Variants in ATP2A2 observed in about 807,000 individuals in gnomAD.
The protein encoded by ATP2A2 is sarcoplasmic/endoplasmic reticulum calcium ATPase 2.
ATP2A2 carries 14 observed loss-of-function variants against 109.3 expected under a neutral mutation model. That is an observed-to-expected ratio of 0.13 (90% CI 0.08 to 0.20). The LOEUF is 0.20. Ranked by LOEUF, ATP2A2 falls within the 10% of genes least tolerant of loss-of-function variation. The pLI, the probability that ATP2A2 is intolerant of heterozygous loss-of-function variation, is 1.00. For synonymous variants in ATP2A2, 506 were observed against 490.9 expected, an observed-to-expected ratio of 1.03 and a Z score of -0.41; for missense variants, 657 against 1,321.6, an observed-to-expected ratio of 0.50 and a Z score of 7.80.
Position 110,350,885 on chromosome 12 carries a change from T to C in ATP2A2, c.*4415T>C, listed in dbSNP as rs1880331168. The C allele has an allele frequency of 6.5e-6, 1 of 154,674 alleles. No homozygotes were observed. Among genetic ancestry groups the C allele is most frequent in the Non-Finnish European group, 1.4e-5 (1 of 69,508 alleles). The allele number at this position is 154,674 out of a possible 1,614,324, so 9.6% of individuals were successfully genotyped here. A position where few individuals can be genotyped will look rare whatever the true frequency, so the allele number is the denominator to read the frequency against. ...ATTTCGCACTGTATTAAATGTAACT[T>C]ATTTAATGAAATCAGAAGCAGTAGA... On this transcript the variant is annotated 3_prime_UTR_variant, in exon 20 of 20. Coordinates refer to ENST00000539276, the MANE Select transcript of ATP2A2 (RefSeq NM_170665.4).
intron 5 of ATP2A2, among the ~76,000 whole-genome samples, chr12:110,301,784 C>T (rs1874674874): frequency 6.6e-6 from 1 of 152,222 alleles, no homozygotes; most frequent in Non-Finnish European, 1.5e-5. Context: ...GTATGTACCT[C>T]CTGCTTTCTT....
Position 110,323,083 on chromosome 12 carries a change from T to C in ATP2A2, c.544+11T>C. 1 of 1,587,932 alleles carries C rather than the reference T, an allele frequency of 6.3e-7. No individual in the cohort carries two copies. The highest frequency in any genetic ancestry group is 8.6e-7 in the Non-Finnish European group (1 of 1,156,226). On this transcript the variant is annotated intron_variant, in intron 6 of 19. Transcript: ENST00000539276. ...AGTCAATTCTCACAGGTAAATATGA[T>C]ATATTAAGTCATTGAATTTCTGAAG...
chr12:110,293,666 G>A (rs983096790), intron 4 of ATP2A2, among the ~76,000 whole-genome samples: 2 of 151,754 alleles, frequency 1.3e-5, no homozygotes, highest in African/African-American at 4.8e-5. Context: ...AAAGTGCTAG[G>A]ATTACATGCG....
chr12:110,343,552 G>A, intron 16 of ATP2A2, 118 bp downstream of exon 16: 1 of 1,142,798 alleles, frequency 8.8e-7, no homozygotes, highest in Non-Finnish European at 1.3e-6. Context: ...GGTAGCAAAA[G>A]ACAGAGATGC....
chr12:110,339,271 C>T lies in ATP2A2; in HGVS notation c.1420-10C>T, dbSNP rs750064839. On this transcript the variant is annotated splice_polypyrimidine_tract_variant and intron_variant, in intron 11 of 19. Coordinates refer to ENST00000539276, the MANE Select transcript of ATP2A2 (RefSeq NM_170665.4). This position sits in a 1 kb window ranked among gnomAD's most constrained non-coding sequence, Gnocchi z 4.4. ...CCACCCAGTAGTATCCATATTTGTTCCCTTTGTAGGTCATTAAACAGCTGA... is the reference window on the plus strand; with the variant it reads ...CCACCCAGTAGTATCCATATTTGTTTCCTTTGTAGGTCATTAAACAGCTGA... 1.9e-6 allele frequency: 3 copies of T among 1,613,722 alleles called. No homozygotes were observed. Among genetic ancestry groups the T allele is most frequent in the South Asian group, 1.1e-5 (1 of 90,790 alleles).
At chr12:110,300,242 C>T (rs559093431) in intron 5 of ATP2A2, among the ~76,000 whole-genome samples, 3 of 140,870 alleles carry the variant, frequency 2.1e-5, no homozygotes, top group Non-Finnish European at 4.6e-5. Flanking sequence ...GTCCAGGCTA[C>T]AGTGGAGTAG....
At chr12:110,324,765 C>T (rs940031274) in intron 6 of ATP2A2, among the ~76,000 whole-genome samples, 5 of 150,534 alleles carry the variant, frequency 3.3e-5, no homozygotes, top group African/African-American at 7.3e-5. Context: ...TGGGAGGCTG[C>T]GGCAGTAGGA....
chr12:110,346,998 C>A lies in ATP2A2; in HGVS notation c.*528C>A, dbSNP rs1879927476. ...TATTGTTTTGGTTTGCTACTTCCCT[C>A]ACCCACTTTGGCCTCCGTTCACCCC... On this transcript the variant is annotated 3_prime_UTR_variant, in exon 20 of 20. Coordinates refer to ENST00000539276, the MANE Select transcript of ATP2A2 (RefSeq NM_170665.4). 5 of 1,104,186 alleles carry A rather than the reference C, an allele frequency of 4.5e-6. No homozygotes were observed. Among genetic ancestry groups the A allele is most frequent in the Non-Finnish European group, 5.5e-6 (5 of 901,786 alleles). The allele number at this position is 1,104,186 out of a possible 1,614,324, so 68.4% of individuals were successfully genotyped here. A position where few individuals can be genotyped will look rare whatever the true frequency, so the allele number is the denominator to read the frequency against.
intron 5 of ATP2A2, among the ~76,000 whole-genome samples, chr12:110,301,843 T>G (rs1401063081): frequency 6.6e-6 from 1 of 152,160 alleles, no homozygotes; most frequent in East Asian, 1.9e-4. Flanking sequence ...CATCCAGGCC[T>G]TTTTTTCAGT....
chr12:110,329,398 C>T (rs1467136344), intron 8 of ATP2A2: 1 of 152,714 alleles, frequency 6.5e-6, no homozygotes, highest in Non-Finnish European at 1.5e-5. Context: ...GTGTATTCAT[C>T]ATATATATTT....
chr12:110,335,890 C>T (rs1878794633), intron 11 of ATP2A2, among the ~76,000 whole-genome samples: 1 of 152,240 alleles, frequency 6.6e-6, no homozygotes, highest in African/African-American at 2.4e-5. Flanking sequence ...TGTGTGGCAG[C>T]AGCAGCAGCT....
At chr12:110,293,824 ATATGTGTG>A (rs1258831373) in intron 4 of ATP2A2, among the ~76,000 whole-genome samples, 286 of 126,420 alleles carry the variant, frequency 2.3e-3, no homozygotes, top group Non-Finnish European at 3.8e-3. Flanking sequence ...TGTGCCATAT[ATATGTGTG>A]TGTGTGTGTG....
rs1880233662 is a variant in ATP2A2 at position 110,349,816 on chromosome 12, A to C, written c.*3346A>C. 15 of 1,037,568 alleles carry C rather than the reference A, an allele frequency of 1.4e-5. No homozygotes were observed. In the South Asian group the frequency reaches 5.5e-4, roughly 38 times the overall value. 64.3% of individuals were successfully genotyped at this position (1,037,568 alleles called of 1,614,324 possible). On this transcript the variant is annotated 3_prime_UTR_variant, in exon 20 of 20. Transcript: ENST00000539276. ...AGAAGGGTAGGCTTCACCCTCCTTT[A>C]CTGAGGAGAATGATGCGGAGGAGTT...
At chr12:110,322,508 T>A (rs906097769) in intron 5 of ATP2A2, among the ~76,000 whole-genome samples, 1 of 152,166 alleles carries the variant, frequency 6.6e-6, no homozygotes, top group African/African-American at 2.4e-5. Context: ...TGTGTAGTTT[T>A]ATTTTGCATT....
chr12:110,310,474 G>T (rs1409076932), intron 5 of ATP2A2, among the ~76,000 whole-genome samples: 9 of 152,176 alleles, frequency 5.9e-5, no homozygotes, highest in Non-Finnish European at 1.3e-4. Context: ...TGCCGCAGGG[G>T]TTATTTATTG....
rs572920525 is a variant in ATP2A2 at position 110,296,736 on chromosome 12, T to C, written c.462T>C (p.Ala154=). The part of the protein sequence containing the change: ...DIVPGDIVEI[A]VGDKVPADIR... ...TTCCTGGTGATATTGTAGAAATTGC[T>C]GGTGAGTTGAGTTTGTCATTTTTCT... is the stretch of plus-strand genomic sequence containing the variant. The change falls in exon 5 of 20, where the codon GCT becomes GCC. Residue 154 remains alanine, a splice_region_variant and synonymous_variant. Transcript: ENST00000539276. 17 of 1,614,174 alleles carry C rather than the reference T, an allele frequency of 1.1e-5. No homozygotes were observed. In the African/African-American group the frequency reaches 1.6e-4, roughly 15 times the overall value.
At position 110,349,661 on chromosome 12, in the gene ATP2A2, CAG is replaced by C. The variant is rs1880218190; in HGVS notation, c.*3192_*3193del. ...AAGACCTGAGACCACAAGATTAGCT[CAG>C]TGTCTACCAAGCATCTAGCCACTGT... On this transcript the variant is annotated 3_prime_UTR_variant, in exon 20 of 20. Coordinates refer to ENST00000539276, the MANE Select transcript of ATP2A2 (RefSeq NM_170665.4). 9.1e-6 allele frequency: 9 copies of C among 989,030 alleles called. No individual in the cohort carries two copies. Among genetic ancestry groups the C allele is most frequent in the Non-Finnish European group, 1.1e-5 (9 of 831,904 alleles). 61.3% of individuals were successfully genotyped at this position (989,030 alleles called of 1,614,324 possible).
chr12:110,311,595 C>CAA (rs67023919), intron 5 of ATP2A2, among the ~76,000 whole-genome samples: 722 of 25,220 alleles, frequency 0.029, 226 homozygotes, highest in African/African-American at 0.043. Flanking sequence ...GACTCCATCT[C>CAA]AAAAAAAAAA....
intron 5 of ATP2A2, among the ~76,000 whole-genome samples, 185 bp from the exon 6 acceptor site, chr12:110,322,807 A>G (rs1159233040): frequency 6.6e-6 from 1 of 152,222 alleles, no homozygotes; most frequent in Non-Finnish European, 1.5e-5. Context: ...TCTTGAATCC[A>G]TCTAAAGTTT....
Sources: gnomAD v4.1 joint callset for allele counts (sites outside exome capture counted in the v4.1 genomes callset) on GRCh38, gnomAD v4.1.1 for gene constraint, Gnocchi (gnomAD v3.1) non-coding constraint, MANE v1.5 for transcripts, NCBI Gene and HGNC (gene_info 2026-07-23, HGNC 2026-07-21) for gene names.